Variants in SLC28A1 observed in about 807,000 individuals in gnomAD.
The protein encoded by SLC28A1 is sodium/nucleoside cotransporter 1.
SLC28A1 carries 64 observed loss-of-function variants against 74.8 expected under a neutral mutation model. That is an observed-to-expected ratio of 0.86 (90% confidence interval 0.70 to 1.05). SLC28A1 has a LOEUF of 1.05. Ranked by LOEUF, SLC28A1 falls within the 50% of genes least tolerant of loss-of-function variation. SLC28A1 has a pLI of 0.00. For synonymous variants in SLC28A1, 359 were observed against 335.0 expected, an observed-to-expected ratio of 1.07 and a Z score of -0.78; for missense variants, 828 against 822.8, an observed-to-expected ratio of 1.01 and a Z score of -0.08.
the SLC28A1 span, among the ~76,000 whole-genome samples, chr15:84,968,203 C>T: frequency 2.0e-5 from 3 of 152,198 alleles, no homozygotes; most frequent in African/African-American, 7.2e-5. Context: ...CTGCCACTTC[C>T]TGGTTGAGCC....
intron 8 of SLC28A1, among the ~76,000 whole-genome samples, chr15:84,907,431 C>T (rs925312326): frequency 6.6e-6 from 1 of 152,134 alleles, no homozygotes; most frequent in African/African-American, 2.4e-5. Flanking sequence ...GTAATCTGCC[C>T]GCCTTGGCCT....
intron 9 of SLC28A1, among the ~76,000 whole-genome samples, chr15:84,917,180 T>C (rs1354415436): frequency 2.0e-5 from 3 of 152,224 alleles, no homozygotes; most frequent in African/African-American, 7.2e-5. Context: ...ATTCCAATTT[T>C]CCCATTTAAC....
At chr15:84,952,666 G>A in the SLC28A1 span, among the ~76,000 whole-genome samples, 1 of 152,148 alleles carries the variant, frequency 6.6e-6, no homozygotes, top group Non-Finnish European at 1.5e-5. Context: ...CAGGAGAATC[G>A]CTTGAGCCCG....
At chr15:84,971,074 T>G in the SLC28A1 span, among the ~76,000 whole-genome samples, 1 of 152,182 alleles carries the variant, frequency 6.6e-6, no homozygotes, top group South Asian at 2.1e-4. Context: ...CTCAGCGAAC[T>G]ATTCTGGCAG....
At chr15:84,894,386 A>AG (rs1965710375) in intron 5 of SLC28A1, among the ~76,000 whole-genome samples, 1 of 151,534 alleles carries the variant, frequency 6.6e-6, no homozygotes, top group African/African-American at 2.4e-5. Context: ...AAAAAAAAAA[A>AG]AAATCTAGGG....
At position 84,944,198 on chromosome 15, in the gene SLC28A1, TGG is replaced by T. The variant is rs1596370201; in HGVS notation, c.1664-367_1664-366del. Among the ~76,000 whole-genome samples the T allele has an allele frequency of 3.9e-5, 6 of 152,342 alleles. No homozygotes were observed. The East Asian group carries it at 1.2e-3, about 29-fold the overall frequency. On this transcript the variant is annotated intron_variant, in intron 16 of 18. Coordinates refer to ENST00000394573, the MANE Select transcript of SLC28A1 (RefSeq NM_004213.5). ...CAGTCCTGGCAGCTACACTGCCTGGTGGTATAATCACCCCATTTTACAAAGAA... is the reference window on the plus strand; with the variant it reads ...CAGTCCTGGCAGCTACACTGCCTGGTTATAATCACCCCATTTTACAAAGAA...
intron 1 of SLC28A1, chr15:84,886,131 A>G: frequency 1.0e-6 from 1 of 985,366 alleles, no homozygotes; most frequent in Non-Finnish European, 1.2e-6. Context: ...CCGTTGGCTT[A>G]GGTATTCATT....
chr15:84,972,845 G>A, the SLC28A1 span, among the ~76,000 whole-genome samples: 1 of 152,178 alleles, frequency 6.6e-6, no homozygotes, highest in Non-Finnish European at 1.5e-5. Context: ...CAAACACAAA[G>A]GTGTATACAC....
At chr15:84,928,603 T>TTCCTTCC (rs1196415773) in intron 12 of SLC28A1, among the ~76,000 whole-genome samples, 4 of 10,896 alleles carry the variant, frequency 3.7e-4, no homozygotes, top group East Asian at 0.01. Flanking sequence ...TCTTTCTTTC[T>TTCCTTCC]TTTCTTTCTT....
At chr15:84,902,886 C>T (rs898302799) in intron 6 of SLC28A1, among the ~76,000 whole-genome samples, 4 of 152,088 alleles carry the variant, frequency 2.6e-5, no homozygotes, top group Admixed American at 6.5e-5. Context: ...CCCACTGCCA[C>T]GCTCGGCTAA....
intron 12 of SLC28A1, 140 bp downstream of exon 12, chr15:84,924,250 C>T: frequency 9.4e-7 from 1 of 1,068,434 alleles, no homozygotes; most frequent in Non-Finnish European, 1.4e-6. Flanking sequence ...AGTGGCTTCC[C>T]CTGAGCCCAG....
At chr15:84,896,962 G>A (rs1259156148) in intron 6 of SLC28A1, among the ~76,000 whole-genome samples, 1 of 152,164 alleles carries the variant, frequency 6.6e-6, no homozygotes, top group African/African-American at 2.4e-5. Context: ...GACTGCTAGG[G>A]CGGATGGGAA....
At chr15:84,895,725 C>A in intron 6 of SLC28A1, 3 of 1,306,872 alleles carry the variant, frequency 2.3e-6, no homozygotes, top group South Asian at 2.0e-5. Context: ...GTTTTATAAG[C>A]CAAGGTTCAC....
intron 15 of SLC28A1, among the ~76,000 whole-genome samples, chr15:84,936,372 C>T (rs1387829403): frequency 6.6e-6 from 1 of 152,120 alleles, no homozygotes. Flanking sequence ...ATTCTCGTGT[C>T]TCAGCCTCCC....
chr15:84,953,567 TA>T, the SLC28A1 span, among the ~76,000 whole-genome samples: 1 of 152,066 alleles, frequency 6.6e-6, no homozygotes, highest in African/African-American at 2.4e-5. Flanking sequence ...TTGTCTCCAC[TA>T]AAAATTTAAA....
chr15:84,953,602 C>G, the SLC28A1 span, among the ~76,000 whole-genome samples: 1 of 152,158 alleles, frequency 6.6e-6, no homozygotes, highest in Admixed American at 6.6e-5. Context: ...TGGTGACAAG[C>G]ACCTGCAGTC....
chr15:84,921,108 G>A (rs979310071), intron 11 of SLC28A1, 39 bp downstream of exon 11: 2 of 1,507,034 alleles, frequency 1.3e-6, no homozygotes, highest in Non-Finnish European at 1.8e-6. Context: ...CTCATCAGCA[G>A]CTTCCCCAAA....
Position 84,894,863 on chromosome 15 carries a change from G to C in SLC28A1, c.278-77G>C, listed in dbSNP as rs375525187. ...TCCACGCTCTGGGTGGAGTAAGGTG[G>C]AGTCCGCGGGCGGGGCTGCAGGGTT... On this transcript the variant is annotated intron_variant, in intron 5 of 18. Transcript: ENST00000394573. 8.6e-6 allele frequency: 12 copies of C among 1,401,178 alleles called. No homozygotes were observed. In the East Asian group the frequency reaches 2.0e-4, roughly 24 times the overall value. The allele number at this position is 1,401,178 out of a possible 1,614,324, so 86.8% of individuals were successfully genotyped here.
downstream of SLC28A1, among the ~76,000 whole-genome samples, chr15:84,950,682 G>A (rs1238151256): frequency 6.6e-6 from 1 of 152,074 alleles, no homozygotes; most frequent in Admixed American, 6.6e-5. Flanking sequence ...TCCAGCCTGG[G>A]TGACAAGAGT....
Sources: gnomAD v4.1 joint callset for allele counts (sites outside exome capture counted in the v4.1 genomes callset) on GRCh38, gnomAD v4.1.1 for gene constraint, MANE v1.5 for transcripts, NCBI Gene and HGNC (gene_info 2026-07-23, HGNC 2026-07-21) for gene names.